The following BMPR1B variants were observed in gnomAD, a reference collection of about 807,000 sequenced individuals.
The protein encoded by BMPR1B is bone morphogenetic protein receptor type-1B.
Under a neutral mutation model 59.1 loss-of-function variants are expected in BMPR1B, and 12 were observed. The ratio of observed to expected loss-of-function variants is 0.20; its 90% CI spans 0.13 to 0.33. The LOEUF is 0.33. Ranked by LOEUF, BMPR1B falls within the 10% of genes least tolerant of loss-of-function variation. The probability of loss-of-function intolerance (pLI) is 1.00; values close to 1 mark genes in which losing one functional copy is unlikely to be tolerated. For missense variants in BMPR1B, 550 were observed against 610.9 expected, an observed-to-expected ratio of 0.90 and a Z score of 1.05; for synonymous variants, 237 against 207.3, an observed-to-expected ratio of 1.14 and a Z score of -1.23.
intron 2 of BMPR1B, among the ~76,000 whole-genome samples, chr4:94,902,245 C>CAGAGAGAGAGAGAG (rs1287914144): frequency 1.1e-5 from 1 of 91,694 alleles, no homozygotes; most frequent in African/African-American, 4.5e-5. Context: ...CACACACACA[C>CAGAGAGAGAGAGAG]ACACAGAGAG....
chr4:95,090,329 A>G (rs539070458), intron 3 of BMPR1B, among the ~76,000 whole-genome samples: 2 of 151,938 alleles, frequency 1.3e-5, no homozygotes, highest in South Asian at 4.1e-4. Context: ...TTGAATTGAT[A>G]TATTTTCTTC....
rs1326436238 is a variant in BMPR1B at position 95,157,312 on chromosome 4, T to C, written c.*2639T>C. On this transcript the variant is annotated 3_prime_UTR_variant, in exon 13 of 13. Coordinates refer to ENST00000515059, the MANE Select transcript of BMPR1B (RefSeq NM_001203.3). ...ATTTATGCATAGATTTTTCTCTGTA[T>C]CTTACCAAAATCCACTTTACTTAGA... 1 of 152,132 alleles carries C rather than the reference T, an allele frequency of 6.6e-6. No homozygotes were observed. The highest frequency in any genetic ancestry group is 2.1e-4 in the South Asian group (1 of 4,830). The allele number at this position is 152,132 out of a possible 1,614,324, so 9.4% of individuals were successfully genotyped here. A position where few individuals can be genotyped will look rare whatever the true frequency, so the allele number is the denominator to read the frequency against.
intron 10 of BMPR1B, among the ~76,000 whole-genome samples, chr4:95,137,084 G>T (rs1245127575): frequency 6.6e-6 from 1 of 152,156 alleles, no homozygotes; most frequent in African/African-American, 2.4e-5. Flanking sequence ...TGCTTTAAAT[G>T]TGTCCCAGAG....
intron 1 of BMPR1B, among the ~76,000 whole-genome samples, chr4:94,786,569 C>T (rs998361421): frequency 3.3e-5 from 5 of 152,206 alleles, no homozygotes; most frequent in South Asian, 4.2e-4. Flanking sequence ...GACGGAGTCT[C>T]GCTCTGTTGC....
At chr4:95,083,190 A>G (rs1158793) in intron 3 of BMPR1B, among the ~76,000 whole-genome samples, 102,092 of 151,804 alleles carry the variant, frequency 0.67, 34,483 homozygotes, top group South Asian at 0.74. Context: ...GAAGCTGGCA[A>G]TATTTTTAAC....
chr4:95,091,815 C>T (rs182422548), intron 3 of BMPR1B, among the ~76,000 whole-genome samples: 90 of 152,058 alleles, frequency 5.9e-4, no homozygotes, highest in African/African-American at 2.1e-3. Flanking sequence ...AATTACATGG[C>T]AAGAAAATAC....
intron 1 of BMPR1B, among the ~76,000 whole-genome samples, chr4:94,778,706 CT>C (rs1722475444): frequency 6.6e-6 from 1 of 152,102 alleles, no homozygotes; most frequent in South Asian, 2.1e-4. Context: ...TTATTAAATA[CT>C]TGCTAATATC....
intron 1 of BMPR1B, among the ~76,000 whole-genome samples, chr4:94,869,862 G>A (rs911283573): frequency 6.6e-6 from 1 of 152,094 alleles, no homozygotes; most frequent in Admixed American, 6.6e-5. Context: ...AGGAATAGAG[G>A]CACCACTTTC....
At chr4:95,118,300 A>G (rs1423933068) in intron 6 of BMPR1B, among the ~76,000 whole-genome samples, 1 of 151,184 alleles carries the variant, frequency 6.6e-6, no homozygotes, top group Non-Finnish European at 1.5e-5. Context: ...TTACATAGCT[A>G]TACCACAGAG....
chr4:94,864,723 C>G (rs72887852), intron 1 of BMPR1B, among the ~76,000 whole-genome samples: 1 of 151,782 alleles, frequency 6.6e-6, no homozygotes, highest in Non-Finnish European at 1.5e-5. Flanking sequence ...CCCAATACAA[C>G]GTAAATGTTA....
At chr4:94,772,271 C>T (rs1722213524) in intron 1 of BMPR1B, among the ~76,000 whole-genome samples, 1 of 152,168 alleles carries the variant, frequency 6.6e-6, no homozygotes, top group African/African-American at 2.4e-5. Flanking sequence ...AAGGACCTCC[C>T]CTTTGTCTTC....
At chr4:94,770,374 G>A (rs1722142081) in intron 1 of BMPR1B, among the ~76,000 whole-genome samples, 1 of 151,500 alleles carries the variant, frequency 6.6e-6, no homozygotes, top group South Asian at 2.1e-4. Context: ...AGCTTTTTTG[G>A]CTGCAGGAAC....
chr4:95,154,176 A>T (rs748114443), intron 12 of BMPR1B, among the ~76,000 whole-genome samples: 4 of 152,234 alleles, frequency 2.6e-5, no homozygotes, highest in Non-Finnish European at 4.4e-5. Context: ...TTTAGGAATA[A>T]CTGTGTTTGT....
At chr4:94,839,514 A>G (rs1255664648) in intron 1 of BMPR1B, among the ~76,000 whole-genome samples, 1 of 148,778 alleles carries the variant, frequency 6.7e-6, no homozygotes, top group Non-Finnish European at 1.5e-5. Flanking sequence ...CCATTATGTA[A>G]TGGCCTTCTT....
intron 3 of BMPR1B, among the ~76,000 whole-genome samples, chr4:95,049,864 A>T (rs1389752088): frequency 6.6e-6 from 1 of 152,046 alleles, no homozygotes; most frequent in African/African-American, 2.4e-5. Flanking sequence ...TGAGGAACCA[A>T]ATCAGCTTGC....
intron 4 of BMPR1B, among the ~76,000 whole-genome samples, chr4:95,107,837 A>G (rs545068474): frequency 6.6e-6 from 1 of 152,172 alleles, no homozygotes; most frequent in African/African-American, 2.4e-5. Context: ...GTATTTTCCT[A>G]ATGAAGTATT....
chr4:95,063,427 A>G lies in BMPR1B; in HGVS notation c.-17-40981A>G, dbSNP rs983422841. On this transcript the variant is annotated intron_variant, in intron 3 of 12. Transcript: ENST00000515059. ...ATAATATGATTATAGCCTAGGGTAGATCATAGGTGCAGGAGCTTTTATTAT... is the reference window on the plus strand; with the variant it reads ...ATAATATGATTATAGCCTAGGGTAGGTCATAGGTGCAGGAGCTTTTATTAT... 2.6e-5 allele frequency among the ~76,000 whole-genome samples: 4 copies of G among 152,238 alleles called. No homozygotes were observed. The East Asian group carries it at 7.7e-4, about 29-fold the overall frequency.
At chr4:95,145,228 C>G (rs541353186) in intron 10 of BMPR1B, among the ~76,000 whole-genome samples, 1 of 152,118 alleles carries the variant, frequency 6.6e-6, no homozygotes, top group African/African-American at 2.4e-5. Flanking sequence ...CTATTTATGT[C>G]TCCTCTGTAT....
Position 94,903,659 on chromosome 4 carries a change from A to G in BMPR1B, c.-113+27759A>G, listed in dbSNP as rs570510987. Among the ~76,000 whole-genome samples, 121 of 152,116 alleles carry G rather than the reference A, an allele frequency of 8.0e-4. No individual in the cohort carries two copies. The Middle Eastern group carries it at 0.01, about 13-fold the overall frequency. ...TTATAATTTATACGTTGAAATTAAA[A>G]TGTGATTGTATTTGGACATAGTGTC... On this transcript the variant is annotated intron_variant, in intron 2 of 12. Coordinates refer to ENST00000515059, the MANE Select transcript of BMPR1B (RefSeq NM_001203.3).
Sources: allele counts gnomAD v4.1 joint callset (sites outside exome capture counted in the v4.1 genomes callset), GRCh38; gene constraint gnomAD v4.1.1; transcripts MANE v1.5; gene names NCBI Gene and HGNC (gene_info 2026-07-23, HGNC 2026-07-21).